Variants in SLC5A1 observed in about 807,000 individuals in gnomAD.
SLC5A1 encodes solute carrier family 5 member 1.
SLC5A1 carries 42 observed loss-of-function variants against 73.5 expected under a neutral mutation model. The observed-to-expected ratio is 0.57, with a 90% confidence interval of 0.45 to 0.74. SLC5A1 has a LOEUF of 0.74. Ranked by LOEUF, SLC5A1 falls within the 30% of genes least tolerant of loss-of-function variation. SLC5A1 has a pLI of 0.00. For synonymous variants in SLC5A1, 300 were observed against 317.4 expected, an observed-to-expected ratio of 0.95 and a Z score of 0.58; for missense variants, 634 against 855.4, an observed-to-expected ratio of 0.74 and a Z score of 3.23.
chr22:32,072,919 T>C (rs2093984981), intron 5 of SLC5A1, among the ~76,000 whole-genome samples: 1 of 152,236 alleles, frequency 6.6e-6, no homozygotes, highest in Non-Finnish European at 1.5e-5. Context: ...AAATTCTTCA[T>C]ATATTCTGGA....
At chr22:32,051,656 A>AAAC (rs1042222372) in intron 2 of SLC5A1, among the ~76,000 whole-genome samples, 25 of 152,176 alleles carry the variant, frequency 1.6e-4, no homozygotes, top group African/African-American at 3.4e-4. Flanking sequence ...ACCCTGTTTC[A>AAAC]AACAACAACA....
chr22:32,101,869 T>G (rs2094036996), intron 12 of SLC5A1, among the ~76,000 whole-genome samples, 153 bp from the exon 13 acceptor site: 2 of 152,180 alleles, frequency 1.3e-5, no homozygotes, highest in African/African-American at 4.8e-5. Flanking sequence ...CTAGCCATAT[T>G]CTGAACTTCA....
chr22:32,067,479 T>C (rs113657425), intron 3 of SLC5A1, among the ~76,000 whole-genome samples: 21 of 152,054 alleles, frequency 1.4e-4, no homozygotes, highest in Admixed American at 7.2e-4. Context: ...TCAAGCGATG[T>C]TCCCACCTCA....
In SLC5A1 at chr22:32,103,076, G is replaced by C. The variant is rs116828933; in HGVS notation, c.1665+839G>C. 7.7e-3 allele frequency among the ~76,000 whole-genome samples: 1,173 copies of C among 152,206 alleles called. 15 individuals are homozygous for C. The highest frequency in any genetic ancestry group is 0.027 in the African/African-American group (1,105 of 41,536). On this transcript the variant is annotated intron_variant, in intron 13 of 14. Coordinates refer to ENST00000266088, the MANE Select transcript of SLC5A1 (RefSeq NM_000343.4). ...TTGATATACTGGTTTACTTTCTTTT[G>C]AATATATATCCAGTAGTAGAATTGC...
chr22:32,100,141 T>C (rs1256653699), intron 12 of SLC5A1, among the ~76,000 whole-genome samples: 2 of 152,188 alleles, frequency 1.3e-5, no homozygotes, highest in East Asian at 1.9e-4. Context: ...AGGACTTGTA[T>C]GGAATCTCAC....
chr22:32,086,620 A>G (rs1343906048), intron 10 of SLC5A1, among the ~76,000 whole-genome samples: 1 of 152,208 alleles, frequency 6.6e-6, no homozygotes, highest in African/African-American at 2.4e-5. Flanking sequence ...ATACTCATAC[A>G]GAAGGTCTTT....
At chr22:32,107,733 A>G (rs2094048834) in intron 14 of SLC5A1, among the ~76,000 whole-genome samples, 1 of 152,202 alleles carries the variant, frequency 6.6e-6, no homozygotes, top group East Asian at 1.9e-4. Flanking sequence ...GCAGCACTCA[A>G]ATTCTGTTGT....
At position 32,099,272 on chromosome 22, in the gene SLC5A1, A is replaced by G. The variant is rs200401846; in HGVS notation, c.1370A>G (p.Gln457Arg). ...AGTGGGCAACTCTTCGATTACATCC[A>G]GTCCATCACCAGTTACTTGGGACCA... is the stretch of plus-strand genomic sequence containing the variant. ...AQSGQLFDYI[Q>R]SITSYLGPPI... Residue 457 changes from glutamine (Q) to arginine (R), a missense_variant, in exon 12 of 15, where the codon CAG (glutamine) becomes CGG (arginine). Gln to Arg is a conservative substitution (Grantham distance 43). This residue lies in a region of SLC5A1 where 422 missense variants were observed against 626.1 expected (regional missense o/e 0.67). Coordinates refer to ENST00000266088, the MANE Select transcript of SLC5A1 (RefSeq NM_000343.4). The G allele has an allele frequency of 3.7e-5, 59 of 1,613,850 alleles. 1 individual carries two copies. Among genetic ancestry groups the G allele is most frequent in the Non-Finnish European group, 3.0e-5 (35 of 1,179,938 alleles).
At chr22:32,096,192 A>AT (rs957922379) in intron 11 of SLC5A1, among the ~76,000 whole-genome samples, 31 of 152,054 alleles carry the variant, frequency 2.0e-4, no homozygotes, top group African/African-American at 6.5e-4. Context: ...CCTGTCTGCC[A>AT]TTTTTTTCTA....
chr22:32,051,693 A>AAAC (rs768381652), intron 2 of SLC5A1, among the ~76,000 whole-genome samples: 20 of 152,144 alleles, frequency 1.3e-4, no homozygotes, highest in Non-Finnish European at 2.9e-5. Context: ...CAAAAAACAA[A>AAAC]AACAACAACA....
rs754586981 is a variant in SLC5A1 at position 32,104,792 on chromosome 22, C to T, written c.1672C>T (p.Arg558Cys). The change falls in exon 14 of 15, where the codon CGT becomes TGT. Residue 558 changes from arginine to cysteine, a missense_variant. Transcript: ENST00000266088. ...TGTTCTGCCTTCTCTGCAGCTCTAC[C>T]GTCTGTGTTGGAGCCTGCGCAACAG... ...TKPIPDVHLY[R>C]LCWSLRNSKE... is the part of the protein sequence containing the mutation. 6.8e-6 allele frequency: 11 copies of T among 1,613,730 alleles called. No homozygotes were observed. The Admixed American group carries it at 8.3e-5, about 12-fold the overall frequency.
At position 32,099,230 on chromosome 22, in the gene SLC5A1, T is replaced by A; in HGVS notation, c.1328T>A (p.Ile443Asn). Reference sequence around the variant, plus strand: ...GGCATCAGCATCGCCTGGGTGCCCATTGTGCAGTCAGCACAAAGTGGGCAA... The same window carrying A: ...GGCATCAGCATCGCCTGGGTGCCCAATGTGCAGTCAGCACAAAGTGGGCAA... ...LIGISIAWVP[I>N]VQSAQSGQLF... is the part of the protein sequence containing the mutation. Residue 443 changes from isoleucine (I) to asparagine (N), a missense_variant, in exon 12 of 15, where the codon ATT (isoleucine) becomes AAT (asparagine). Transcript: ENST00000266088. 1 of 1,612,714 alleles carries A rather than the reference T, an allele frequency of 6.2e-7. No individual in the cohort carries two copies. Among genetic ancestry groups the A allele is most frequent in the Non-Finnish European group, 8.5e-7 (1 of 1,179,470 alleles).
intron 8 of SLC5A1, 79 bp downstream of exon 8, chr22:32,084,738 G>A (rs1254354944): frequency 1.3e-6 from 2 of 1,523,766 alleles, no homozygotes; most frequent in Non-Finnish European, 9.1e-7. Context: ...GTGGTTTGCA[G>A]GGTTGGGACA....
At position 32,068,526 on chromosome 22, in the gene SLC5A1, C is replaced by T; in HGVS notation, c.403C>T (p.Arg135Trp). 5 of 1,613,842 alleles carry T rather than the reference C, an allele frequency of 3.1e-6. No homozygotes were observed. Among genetic ancestry groups the T allele is most frequent in the Admixed American group, 1.7e-5 (1 of 60,008 alleles). ...VVTMPEYLRK[R>W]FGGQRIQVYL... Reference sequence around the variant, plus strand: ...GACAATGCCAGAGTACCTGAGGAAGCGGTTTGGAGGCCAGCGGATCCAGGT... The same window carrying T: ...GACAATGCCAGAGTACCTGAGGAAGTGGTTTGGAGGCCAGCGGATCCAGGT... The change falls in exon 5 of 15, where the codon CGG becomes TGG. Residue 135 changes from arginine (R) to tryptophan (W), a missense_variant. Coordinates refer to ENST00000266088, the MANE Select transcript of SLC5A1 (RefSeq NM_000343.4).
chr22:32,066,351 T>G (rs2093973131), intron 2 of SLC5A1, among the ~76,000 whole-genome samples: 1 of 152,218 alleles, frequency 6.6e-6, no homozygotes. Flanking sequence ...ATTATTAATA[T>G]CATCTCTGTT....
intron 5 of SLC5A1, among the ~76,000 whole-genome samples, chr22:32,072,306 C>T (rs1178509018): frequency 1.3e-5 from 2 of 152,114 alleles, no homozygotes; most frequent in Non-Finnish European, 2.9e-5. Flanking sequence ...AGTGAGAAAA[C>T]ATGCAGTATT....
At chr22:32,045,942 G>A (rs879561421) in intron 1 of SLC5A1, among the ~76,000 whole-genome samples, 1 of 152,108 alleles carries the variant, frequency 6.6e-6, no homozygotes, top group South Asian at 2.1e-4. Context: ...CTCAAGGGTT[G>A]TGAAAAAGAA....
At position 32,084,660 on chromosome 22, in the gene SLC5A1, G is replaced by A; in HGVS notation, c.885+1G>A. The A allele has an allele frequency of 6.2e-7, 1 of 1,612,474 alleles. No homozygotes were observed. Among genetic ancestry groups the A allele is most frequent in the Non-Finnish European group, 8.5e-7 (1 of 1,178,566 alleles). On this transcript the variant is annotated splice_donor_variant, in intron 8 of 14. Coordinates refer to ENST00000266088, the MANE Select transcript of SLC5A1 (RefSeq NM_000343.4). LOFTEE classifies it high-confidence loss of function. ...CTTGTGGTACTGGTGCACAGATCAG[G>A]TACCCAAGCTGGATGTGCGGGATGG...
intron 11 of SLC5A1, 64 bp from the exon 12 acceptor site, chr22:32,099,103 AAAATATATATATATAT>A: frequency 1.3e-5 from 1 of 76,750 alleles, no homozygotes; most frequent in Non-Finnish European, 2.1e-5. Flanking sequence ...AAAAAAAAAA[AAAATATATATATATAT>A]ATATATATAT....
Sources: gnomAD v4.1 joint callset for allele counts (sites outside exome capture counted in the v4.1 genomes callset) on GRCh38, gnomAD v4.1.1 for gene constraint, gnomAD v4.1.1 regional missense constraint, MANE v1.5 for transcripts, NCBI Gene and HGNC (gene_info 2026-07-23, HGNC 2026-07-21) for gene names.